NKAIN3: variants seen among roughly 807,000 people sequenced by gnomAD.
The protein encoded by NKAIN3 is sodium/potassium-transporting ATPase subunit beta-1-interacting protein 3.
NKAIN3 carries 25 observed loss-of-function variants against 30.2 expected under a neutral mutation model. The observed-to-expected ratio is 0.83, with a 90% CI of 0.60 to 1.16. NKAIN3 has a LOEUF of 1.16. Among genes scored for constraint, NKAIN3 ranks in the 50% most tolerant of loss-of-function variants. NKAIN3 has a pLI of 0.00. For missense variants in NKAIN3, 225 were observed against 254.1 expected (o/e 0.89, Z 0.78); for synonymous variants, 91 against 89.6 (o/e 1.02, Z -0.09).
chr8:62,528,766 G>T (rs1808397558), intron 1 of NKAIN3, among the ~76,000 whole-genome samples: 1 of 152,006 alleles, frequency 6.6e-6, no homozygotes, highest in Non-Finnish European at 1.5e-5. Flanking sequence ...GTGTATGCCG[G>T]TATGACGTGG....
chr8:62,378,583 A>C (rs570822111), intron 1 of NKAIN3, among the ~76,000 whole-genome samples: 4 of 152,196 alleles, frequency 2.6e-5, no homozygotes, highest in Non-Finnish European at 5.9e-5. Flanking sequence ...CCTGTGTCCC[A>C]GTATAGTCTA....
rs576868532 is a variant in NKAIN3 at position 62,305,372 on chromosome 8, G to C, written c.54+56245G>C. ...GTTAGGGAATTCCATAACGCATACA[G>C]ATATAATTTTGACAAGGTCCTACTG... On this transcript the variant is annotated intron_variant, in intron 1 of 6. Coordinates refer to ENST00000623646, the MANE Select transcript of NKAIN3 (RefSeq NM_001304533.3). Among the ~76,000 whole-genome samples, 10 of 150,502 alleles carry C rather than the reference G, an allele frequency of 6.6e-5. No individual in the cohort carries two copies. The South Asian group carries it at 2.1e-3, about 31-fold the overall frequency.
chr8:62,624,851 C>G (rs1811744752), intron 3 of NKAIN3, among the ~76,000 whole-genome samples: 1 of 150,758 alleles, frequency 6.6e-6, no homozygotes, highest in Non-Finnish European at 1.5e-5. Flanking sequence ...GTCATATTCT[C>G]AAACTCAGAG....
intron 1 of NKAIN3, among the ~76,000 whole-genome samples, chr8:62,295,764 G>C (rs1813806461): frequency 6.6e-6 from 1 of 152,032 alleles, no homozygotes; most frequent in Non-Finnish European, 1.5e-5. Flanking sequence ...GTTTTTTAAT[G>C]TTCATTTAAT....
intron 1 of NKAIN3, among the ~76,000 whole-genome samples, chr8:62,554,592 T>C (rs749753723): frequency 6.6e-6 from 1 of 152,158 alleles, no homozygotes; most frequent in Non-Finnish European, 1.5e-5. Context: ...GAATAATTAA[T>C]AAAACATATA....
At chr8:62,318,739 A>AT (rs1814754290) in intron 1 of NKAIN3, among the ~76,000 whole-genome samples, 1 of 152,112 alleles carries the variant, frequency 6.6e-6, no homozygotes, top group Non-Finnish European at 1.5e-5. Context: ...GTTTGCCAGT[A>AT]TTTTATTGAG....
At chr8:62,635,375 G>T (rs1812095154) in intron 3 of NKAIN3, among the ~76,000 whole-genome samples, 1 of 152,132 alleles carries the variant, frequency 6.6e-6, no homozygotes, top group Admixed American at 6.5e-5. Flanking sequence ...AAAGTTTGAG[G>T]TAACAATTGC....
chr8:62,855,833 C>T lies in NKAIN3; in HGVS notation c.472-62620C>T. On this transcript the variant is annotated intron_variant, in intron 4 of 6. Transcript: ENST00000623646. Reference sequence around the variant, plus strand: ...CAAGCTGGAATCCTGGAGGAGTCACCAGAAATTTCTGGTCATCCAACTCCT... The same window carrying T: ...CAAGCTGGAATCCTGGAGGAGTCACTAGAAATTTCTGGTCATCCAACTCCT... 3 of 846,478 alleles carry T rather than the reference C, an allele frequency of 3.5e-6. No individual in the cohort carries two copies. In the Admixed American group the frequency reaches 5.4e-5, roughly 15 times the overall value. 52.4% of individuals were successfully genotyped at this position (846,478 alleles called of 1,614,324 possible).
chr8:62,965,898 C>G lies in NKAIN3; in HGVS notation c.*491C>G. On this transcript the variant is annotated 3_prime_UTR_variant, in exon 7 of 7. Transcript: ENST00000623646. Reference sequence around the variant, plus strand: ...AAATAGGTACAAATAATGGATCCAGCTTTTGGATTGAATATGGGTCATTTT... The same window carrying G: ...AAATAGGTACAAATAATGGATCCAGGTTTTGGATTGAATATGGGTCATTTT... 1.0e-6 allele frequency: 1 copy of G among 985,214 alleles called. No homozygotes were observed. Among genetic ancestry groups the G allele is most frequent in the Non-Finnish European group, 1.2e-6 (1 of 829,814 alleles). The allele number at this position is 985,214 out of a possible 1,614,324, so 61.0% of individuals were successfully genotyped here. A position where few individuals can be genotyped will look rare whatever the true frequency, so the allele number is the denominator to read the frequency against.
intron 3 of NKAIN3, among the ~76,000 whole-genome samples, chr8:62,622,068 T>C (rs1811633372): frequency 6.6e-6 from 1 of 152,112 alleles, no homozygotes; most frequent in African/African-American, 2.4e-5. Flanking sequence ...CCTTTAGGGA[T>C]GAGCTCTTCT....
At chr8:62,610,998 A>G (rs985560065) in intron 3 of NKAIN3, among the ~76,000 whole-genome samples, 1 of 152,130 alleles carries the variant, frequency 6.6e-6, no homozygotes, top group Non-Finnish European at 1.5e-5. Context: ...ATGTACTTCT[A>G]ATAGATACAT....
At chr8:62,921,081 G>A (rs1822261429) in intron 5 of NKAIN3, among the ~76,000 whole-genome samples, 1 of 152,128 alleles carries the variant, frequency 6.6e-6, no homozygotes, top group African/African-American at 2.4e-5. Context: ...TTAGCTTTTA[G>A]GTGCAAAAAT....
chr8:62,581,468 C>T (rs1369537776), intron 2 of NKAIN3, among the ~76,000 whole-genome samples: 1 of 152,164 alleles, frequency 6.6e-6, no homozygotes, highest in Non-Finnish European at 1.5e-5. Context: ...TGATTTTACC[C>T]TCTAAATGTT....
At chr8:62,995,441 G>C (rs370701123) in intron 5 of NKAIN3, among the ~76,000 whole-genome samples, 7 of 152,228 alleles carry the variant, frequency 4.6e-5, no homozygotes, top group African/African-American at 1.7e-4. Flanking sequence ...TACAGTAGAA[G>C]CTGCTCAGCT....
At chr8:62,956,234 A>C (rs186478806) in intron 6 of NKAIN3, among the ~76,000 whole-genome samples, 1 of 152,318 alleles carries the variant, frequency 6.6e-6, no homozygotes, top group East Asian at 1.9e-4. Context: ...CTTGGAGAAA[A>C]AGCCAACCTT....
chr8:62,273,613 A>C (rs1812839760), intron 1 of NKAIN3, among the ~76,000 whole-genome samples: 2 of 152,160 alleles, frequency 1.3e-5, no homozygotes, highest in Admixed American at 6.6e-5. Context: ...ATGCATGTCT[A>C]TGACAAGTTC....
chr8:62,680,064 A>G (rs1813603892), intron 3 of NKAIN3, among the ~76,000 whole-genome samples: 1 of 152,180 alleles, frequency 6.6e-6, no homozygotes, highest in Non-Finnish European at 1.5e-5. Context: ...GATTGAAAGC[A>G]TGAGAGGGAC....
At chr8:62,291,335 G>C (rs1053696557) in intron 1 of NKAIN3, among the ~76,000 whole-genome samples, 1 of 152,156 alleles carries the variant, frequency 6.6e-6, no homozygotes, top group Non-Finnish European at 1.5e-5. Context: ...ATGTTAGGGT[G>C]TCAATTTTAC....
chr8:62,690,841 T>G (rs566514183), intron 3 of NKAIN3, among the ~76,000 whole-genome samples: 7 of 152,324 alleles, frequency 4.6e-5, no homozygotes, highest in Non-Finnish European at 8.8e-5. Flanking sequence ...AAGGGAAGGA[T>G]GCAAGAGCAA....
Sources: gnomAD v4.1 joint callset for allele counts (sites outside exome capture counted in the v4.1 genomes callset) on GRCh38, gnomAD v4.1.1 for gene constraint, MANE v1.5 for transcripts, NCBI Gene and HGNC (gene_info 2026-07-23, HGNC 2026-07-21) for gene names.